CEP76: variants seen among roughly 807,000 people sequenced by gnomAD.
CEP76 encodes the protein centrosomal protein 76.
Under a neutral mutation model 83.3 loss-of-function variants are expected in CEP76, and 55 were observed. That is an observed-to-expected ratio of 0.66 (90% CI 0.53 to 0.83). The LOEUF (loss-of-function observed/expected upper bound fraction) is 0.83. Ranked by LOEUF, CEP76 falls within the 40% of genes least tolerant of loss-of-function variation. The pLI, the probability that CEP76 is intolerant of heterozygous loss-of-function variation, is 0.00. For missense variants in CEP76, 694 were observed against 799.5 expected (o/e 0.87, Z 1.59); for synonymous variants, 270 against 274.5 (o/e 0.98, Z 0.16).
intron 9 of CEP76, among the ~76,000 whole-genome samples, chr18:12,680,439 T>TA (rs2039304717): frequency 6.6e-6 from 1 of 151,128 alleles, no homozygotes; most frequent in African/African-American, 2.4e-5. Flanking sequence ...CTACTAAAAA[T>TA]ACAAAAATCA....
chr18:12,680,589 T>C lies in CEP76; in HGVS notation c.1289+73A>G, dbSNP rs796967769. ...TCCAGCCTGGGCGACAGAGCGAGAC[T>C]CCATCTCAAAAAAAAAAAAAAAAAA... On this transcript the variant is annotated intron_variant, in intron 9 of 11. Coordinates refer to ENST00000262127, the MANE Select transcript of CEP76 (RefSeq NM_024899.4). 6.9e-5 allele frequency: 75 copies of C among 1,092,206 alleles called. No individual in the cohort carries two copies. The African/African-American group carries it at 1.1e-3, about 17-fold the overall frequency. The allele number at this position is 1,092,206 out of a possible 1,614,324, so 67.7% of individuals were successfully genotyped here.
rs1256042478 is a variant in CEP76, at chr18:12,686,330, G to T, written c.1054C>A (p.Pro352Thr). The change falls in exon 8 of 12, where the codon CCT becomes ACT. Residue 352 changes from proline to threonine, a missense_variant. Pro to Thr is a conservative substitution (Grantham distance 38). Coordinates refer to ENST00000262127, the MANE Select transcript of CEP76 (RefSeq NM_024899.4). ...FVNVLGYERA[P>T]VIGGGGKQEQ... is the part of the protein sequence containing the mutation. ...TGTTTACCTCCTCCTCCAATAACAG[G>T]GGCTCGTTCATAACCAAGGACATTA... is the stretch of plus-strand genomic sequence containing the variant. 6.2e-7 allele frequency: 1 copy of T among 1,614,044 alleles called. No individual in the cohort carries two copies. Among genetic ancestry groups the T allele is most frequent in the Non-Finnish European group, 8.5e-7 (1 of 1,179,994 alleles).
rs558922447 is a variant in CEP76, at chr18:12,674,880, A to G, written c.1624-127T>C. 3 of 533,832 alleles carry G rather than the reference A, an allele frequency of 5.6e-6. No homozygotes were observed. The East Asian group carries it at 9.4e-5, about 17-fold the overall frequency. The allele number at this position is 533,832 out of a possible 1,614,324, so 33.1% of individuals were successfully genotyped here. On this transcript the variant is annotated intron_variant, in intron 10 of 11. Transcript: ENST00000262127. The stretch of plus-strand genomic sequence containing the variant: ...TTTTAAAAGCTATCATAATATTTTA[A>G]TAATAATAATTATAGGGATACATAG...
intron 4 of CEP76, 184 bp downstream of exon 4, chr18:12,698,795 T>G (rs997507728): frequency 1.7e-5 from 10 of 573,478 alleles, no homozygotes; most frequent in Non-Finnish European, 2.8e-5. Context: ...CCAGGGAAAA[T>G]GAATAGCAAA....
Position 12,698,857 on chromosome 18 carries a change from A to T in CEP76, c.520+122T>A, listed in dbSNP as rs146436094. Reference sequence around the variant, plus strand: ...AGTTTAAATTGAAAAGAGCAGTGGGAAACAAAATAGAGATTCCTCCATTAT... The same window carrying T: ...AGTTTAAATTGAAAAGAGCAGTGGGTAACAAAATAGAGATTCCTCCATTAT... On this transcript the variant is annotated intron_variant, in intron 4 of 11. Coordinates refer to ENST00000262127, the MANE Select transcript of CEP76 (RefSeq NM_024899.4). The T allele has an allele frequency of 4.4e-4, 310 of 699,262 alleles. 1 individual carries two copies. The highest frequency in any genetic ancestry group is 8.2e-4 in the Middle Eastern group (2 of 2,448). 43.3% of individuals were successfully genotyped at this position (699,262 alleles called of 1,614,324 possible). A position where few individuals can be genotyped will look rare whatever the true frequency, so the allele number is the denominator to read the frequency against.
intron 8 of CEP76, among the ~76,000 whole-genome samples, chr18:12,681,438 A>G (rs2039346888): frequency 1.3e-5 from 2 of 149,104 alleles, no homozygotes; most frequent in African/African-American, 5.2e-5. Flanking sequence ...TTGTATAAAC[A>G]GGGGTCTTAC....
At chr18:12,665,491 C>G (rs1568003462) in intron 12 of CEP76, among the ~76,000 whole-genome samples, 4 of 152,294 alleles carry the variant, frequency 2.6e-5, no homozygotes, top group Middle Eastern at 3.4e-3. Context: ...TGATGGAACA[C>G]TGTGTCTTTC....
downstream of CEP76, among the ~76,000 whole-genome samples, chr18:12,668,597 CAAAAAAAAAAAAA>C (rs752216074): frequency 7.8e-4 from 57 of 72,826 alleles, no homozygotes; most frequent in East Asian, 2.7e-3. Context: ...GATTCCATCT[CAAAAAAAAAAAAA>C]AAAAAAAAAA....
rs144922348 is a variant in CEP76 at position 12,664,339 on chromosome 18, C to T, written c.*1728-2170G>A. Reference sequence around the variant, plus strand: ...AGGGTGGATCACGAGGCCAGGAGATCGAGACCATCCTGGCTAACACGGTGA... The same window carrying T: ...AGGGTGGATCACGAGGCCAGGAGATTGAGACCATCCTGGCTAACACGGTGA... On this transcript the variant is annotated intron_variant and NMD_transcript_variant, in intron 12 of 12. Coordinates refer to the CEP76 transcript ENST00000590143. Among the ~76,000 whole-genome samples, 1,436 of 151,988 alleles carry T rather than the reference C, an allele frequency of 9.4e-3. 31 individuals are homozygous for T. The highest frequency in any genetic ancestry group is 0.032 in the African/African-American group (1,322 of 41,460).
At chr18:12,700,803 A>G (rs577790361) in intron 2 of CEP76, among the ~76,000 whole-genome samples, 155 bp downstream of exon 2, 1 of 152,322 alleles carries the variant, frequency 6.6e-6, no homozygotes, top group East Asian at 1.9e-4. Context: ...TCAAGGGCAG[A>G]GCTAGCCTAT....
At chr18:12,697,640 A>G (rs991090702) in intron 4 of CEP76, among the ~76,000 whole-genome samples, 3 of 152,242 alleles carry the variant, frequency 2.0e-5, no homozygotes, top group Admixed American at 2.0e-4. Context: ...AACTTACAGC[A>G]TATCAGTGCT....
intron 5 of CEP76, among the ~76,000 whole-genome samples, chr18:12,696,776 C>T (rs182899651): frequency 7.9e-5 from 12 of 152,114 alleles, no homozygotes; most frequent in African/African-American, 2.4e-4. Context: ...TTTCCTCTTC[C>T]GAGTCTCACT....
rs1167718529 is a variant in CEP76 at position 12,672,645 on chromosome 18, C to G, written c.*720G>C. 1.2e-5 allele frequency: 12 copies of G among 982,424 alleles called. No homozygotes were observed. Among genetic ancestry groups the G allele is most frequent in the African/African-American group, 1.8e-5 (1 of 57,134 alleles). 60.9% of individuals were successfully genotyped at this position (982,424 alleles called of 1,614,324 possible). A position where few individuals can be genotyped will look rare whatever the true frequency, so the allele number is the denominator to read the frequency against. On this transcript the variant is annotated 3_prime_UTR_variant, in exon 12 of 12. Coordinates refer to ENST00000262127, the MANE Select transcript of CEP76 (RefSeq NM_024899.4). ...GAAAATCAGTGATCGACTGCAAGAT[C>G]ACAATTTATCAGTATCATAACAAAG...
At chr18:12,665,987 G>A (rs1435734019) in intron 12 of CEP76, among the ~76,000 whole-genome samples, 1 of 152,074 alleles carries the variant, frequency 6.6e-6, no homozygotes, top group Non-Finnish European at 1.5e-5. Flanking sequence ...GAGCCACCGT[G>A]CCCGGCCCAA....
chr18:12,689,765 T>TAC (rs1491508834), intron 7 of CEP76, among the ~76,000 whole-genome samples: 2 of 124,864 alleles, frequency 1.6e-5, no homozygotes, highest in African/African-American at 5.1e-5. Context: ...GGAGCCAGTT[T>TAC]ATATATATAT....
intron 7 of CEP76, among the ~76,000 whole-genome samples, chr18:12,690,557 G>A (rs997421835): frequency 1.3e-5 from 2 of 151,780 alleles, no homozygotes; most frequent in East Asian, 1.9e-4. Flanking sequence ...CCGGGTTCAC[G>A]CCATTCTCCT....
chr18:12,666,760 A>C (rs2038813102), intron 12 of CEP76, among the ~76,000 whole-genome samples: 3 of 152,078 alleles, frequency 2.0e-5, no homozygotes, highest in Admixed American at 2.0e-4. Flanking sequence ...AAAAAAAAAA[A>C]ACTTTTGAAT....
At chr18:12,666,951 T>C (rs1374553350) in intron 12 of CEP76, among the ~76,000 whole-genome samples, 1 of 152,080 alleles carries the variant, frequency 6.6e-6, no homozygotes, top group African/African-American at 2.4e-5. Flanking sequence ...AAATTAAAAA[T>C]TCCATATATT....
intron 12 of CEP76, among the ~76,000 whole-genome samples, chr18:12,667,386 G>A (rs1176611244): frequency 2.0e-5 from 3 of 152,144 alleles, no homozygotes; most frequent in East Asian, 3.9e-4. Context: ...GAGCCCAGGT[G>A]TTCAAGGCTG....
Sources: allele counts gnomAD v4.1 joint callset (sites outside exome capture counted in the v4.1 genomes callset), GRCh38; gene constraint gnomAD v4.1.1; transcripts MANE v1.5; gene names NCBI Gene and HGNC (gene_info 2026-07-23, HGNC 2026-07-21).